DLGAP3: variants seen among roughly 807,000 people sequenced by gnomAD.
DLGAP3 encodes the protein disks large-associated protein 3.
In DLGAP3, 17 loss-of-function variants were observed where a neutral mutation model predicts 81.2. The observed-to-expected ratio is 0.21, with a 90% confidence interval of 0.14 to 0.31. The LOEUF is 0.31. DLGAP3 is among the 10% of genes least tolerant of loss of function. The probability of loss-of-function intolerance (pLI) is 1.00; values close to 1 mark genes in which losing one functional copy is unlikely to be tolerated. For synonymous variants in DLGAP3, 577 were observed against 587.4 expected, an observed-to-expected ratio of 0.98 and a Z score of 0.26; for missense variants, 1,124 against 1,388.0, an observed-to-expected ratio of 0.81 and a Z score of 3.02.
chr1:34,866,995 G>A (rs1638893242), intron 11 of DLGAP3, 53 bp downstream of exon 11: 1 of 1,607,368 alleles, frequency 6.2e-7, no homozygotes. Flanking sequence ...CCTCTCTGGG[G>A]AGGGGAATTT....
At chr1:34,911,032 C>CCA (rs58538432) in intron 1 of DLGAP3, among the ~76,000 whole-genome samples, 2 of 145,292 alleles carry the variant, frequency 1.4e-5, no homozygotes, top group East Asian at 2.1e-4. Flanking sequence ...ACCCCCCCCC[C>CCA]ACCACCTTCC....
At chr1:34,871,089 C>T (rs1390399958) in intron 8 of DLGAP3, among the ~76,000 whole-genome samples, 1 of 152,170 alleles carries the variant, frequency 6.6e-6, no homozygotes, top group African/African-American at 2.4e-5. Flanking sequence ...CCCCAGTCCA[C>T]CCAAGACTGG....
At chr1:34,886,607 A>G (rs1196592842) in intron 5 of DLGAP3, among the ~76,000 whole-genome samples, 1 of 140,612 alleles carries the variant, frequency 7.1e-6, no homozygotes, top group Non-Finnish European at 1.5e-5. Flanking sequence ...TTTTCTCTCC[A>G]CCTAGTCCCA....
intron 1 of DLGAP3, among the ~76,000 whole-genome samples, chr1:34,911,425 C>G (rs1000861929): frequency 3.3e-5 from 5 of 152,150 alleles, no homozygotes; most frequent in Non-Finnish European, 2.9e-5. Context: ...ATTCTGGGTG[C>G]TGGTGTTATT....
intron 3 of DLGAP3, among the ~76,000 whole-genome samples, chr1:34,901,824 A>G (rs1047247910): frequency 3.9e-5 from 6 of 152,228 alleles, no homozygotes; most frequent in Non-Finnish European, 8.8e-5. Context: ...TATGAAGGAC[A>G]TGGAAGGTGG....
chr1:34,891,226 C>A (rs1048475540), intron 5 of DLGAP3, among the ~76,000 whole-genome samples: 2 of 152,212 alleles, frequency 1.3e-5, no homozygotes, highest in African/African-American at 4.8e-5. Context: ...AGGCTGCTCT[C>A]GTTCACCAGG....
intron 8 of DLGAP3, among the ~76,000 whole-genome samples, chr1:34,881,720 A>T (rs1158699016): frequency 7.2e-6 from 1 of 138,656 alleles, no homozygotes; most frequent in Non-Finnish European, 1.6e-5. Context: ...CCCAGGAATG[A>T]AAGAATGGAA....
At chr1:34,918,136 A>G (rs1037854935) in intron 1 of DLGAP3, among the ~76,000 whole-genome samples, 6 of 151,606 alleles carry the variant, frequency 4.0e-5, no homozygotes, top group Non-Finnish European at 7.4e-5. Flanking sequence ...AGGCATACAG[A>G]CAGACAGACA....
intron 8 of DLGAP3, among the ~76,000 whole-genome samples, chr1:34,883,797 T>C (rs537579219): frequency 1.2e-4 from 18 of 151,668 alleles, no homozygotes; most frequent in Non-Finnish European, 2.5e-4. Flanking sequence ...CCAAAAAAAC[T>C]TCATCAGGCA....
At chr1:34,922,958 T>A (rs371189455) in intron 1 of DLGAP3, among the ~76,000 whole-genome samples, 23 of 147,324 alleles carry the variant, frequency 1.6e-4, no homozygotes, top group African/African-American at 4.0e-4. Flanking sequence ...AAAATCGTCA[T>A]TTTTTTTTTT....
At chr1:34,870,894 C>T (rs550962674) in intron 8 of DLGAP3, among the ~76,000 whole-genome samples, 1 of 152,252 alleles carries the variant, frequency 6.6e-6, no homozygotes, top group Non-Finnish European at 1.5e-5. Flanking sequence ...TGTCACTCAC[C>T]CTCCATCTAG....
intron 5 of DLGAP3, among the ~76,000 whole-genome samples, chr1:34,893,404 G>T (rs548251556): frequency 2.1e-4 from 32 of 152,244 alleles, no homozygotes; most frequent in Middle Eastern, 3.4e-3. Context: ...CAGGCTAAAG[G>T]GAAAATAAAG....
At chr1:34,910,491 G>A (rs888790918) in intron 1 of DLGAP3, among the ~76,000 whole-genome samples, 3 of 152,210 alleles carry the variant, frequency 2.0e-5, no homozygotes, top group Non-Finnish European at 4.4e-5. Context: ...AACAAGGCCT[G>A]CAGGGTCTGG....
intron 1 of DLGAP3, among the ~76,000 whole-genome samples, chr1:34,923,457 A>C (rs1168360791): frequency 1.3e-5 from 2 of 152,156 alleles, no homozygotes; most frequent in African/African-American, 4.8e-5. Context: ...CAGGGAGGCA[A>C]GCTGCAGACA....
intron 1 of DLGAP3, among the ~76,000 whole-genome samples, chr1:34,925,207 G>A (rs1313354918): frequency 7.1e-6 from 1 of 141,212 alleles, no homozygotes; most frequent in Non-Finnish European, 1.5e-5. Flanking sequence ...TTCCCTCTAT[G>A]TCCCAAGAGA....
rs767184922 is a variant in DLGAP3 at position 34,866,307 on chromosome 1, G to T, written c.2722-6C>A. On this transcript the variant is annotated splice_polypyrimidine_tract_variant and splice_region_variant and intron_variant, in intron 11 of 11. Transcript: ENST00000373347. ...GGAGGGACCTTCTTCTCCTCCTGCG[G>T]GGCAGAGGGCGTCGCTGAGCTGGGG... 6.6e-6 allele frequency: 10 copies of T among 1,511,752 alleles called. No individual in the cohort carries two copies. The highest frequency in any genetic ancestry group is 7.1e-6 in the Non-Finnish European group (8 of 1,129,450). 93.6% of individuals were successfully genotyped at this position (1,511,752 alleles called of 1,614,324 possible).
Position 34,882,824 on chromosome 1 carries a change from G to T in DLGAP3, c.2000+2154C>A, listed in dbSNP as rs6669523. On this transcript the variant is annotated intron_variant, in intron 8 of 11. Coordinates refer to ENST00000373347, the MANE Select transcript of DLGAP3 (RefSeq NM_001080418.3). ...TCCATGCTCTGCATAACCTGCCCCT[G>T]CCTGTTCTCCAATTAACTCCCTTCC... Among the ~76,000 whole-genome samples, 829 of 152,056 alleles carry T rather than the reference G, an allele frequency of 5.5e-3. 9 individuals carry two copies. Among genetic ancestry groups the T allele is most frequent in the African/African-American group, 0.019 (796 of 41,452 alleles).
rs545045316 is a variant in DLGAP3 at position 34,890,335 on chromosome 1, C to T, written c.1387-4050G>A. ...CTCATGCTTCTCACAGATAAATTTC[C>T]ATTGAAGGTGAGTGTATTATGTGGG... On this transcript the variant is annotated intron_variant, in intron 5 of 11. Transcript: ENST00000373347. Among the ~76,000 whole-genome samples the T allele has an allele frequency of 3.3e-5, 5 of 152,314 alleles. No individual in the cohort carries two copies. The East Asian group carries it at 7.7e-4, about 24-fold the overall frequency.
chr1:34,884,924 C>G, intron 8 of DLGAP3, 54 bp downstream of exon 8: 1 of 1,332,006 alleles, frequency 7.5e-7, no homozygotes, highest in Non-Finnish European at 1.1e-6. Flanking sequence ...CACTATGCAG[C>G]CCTCTCTCCT....
Sources: allele counts gnomAD v4.1 joint callset (sites outside exome capture counted in the v4.1 genomes callset), GRCh38; gene constraint gnomAD v4.1.1; transcripts MANE v1.5; gene names NCBI Gene and HGNC (gene_info 2026-07-23, HGNC 2026-07-21).